The following TEX14 variants were observed in gnomAD, a reference collection of about 807,000 sequenced individuals.
The protein encoded by TEX14 is testis expressed 14, intercellular bridge forming factor.
Under a neutral mutation model 178.6 loss-of-function variants are expected in TEX14, and 168 were observed. The observed-to-expected ratio is 0.94, with a 90% CI of 0.83 to 1.07. The LOEUF is 1.07. TEX14 is among the 50% of genes least tolerant of loss of function. TEX14 has a pLI of 0.00. For missense variants in TEX14, 1,730 were observed against 1,753.6 expected (o/e 0.99, Z 0.24); for synonymous variants, 626 against 634.1 (o/e 0.99, Z 0.19).
chr17:58,565,909 A>C (rs1194675965), intron 26 of TEX14, 85 bp from the exon 27 acceptor site: 1 of 1,055,528 alleles, frequency 9.5e-7, no homozygotes, highest in Non-Finnish European at 1.4e-6. Flanking sequence ...TCCAAGGGTG[A>C]TCCTTAGACT....
chr17:58,565,632 G>T, intron 27 of TEX14, 115 bp downstream of exon 27: 1 of 687,042 alleles, frequency 1.5e-6, no homozygotes. Context: ...TATAAAGTCA[G>T]ACTTGAGGTG....
At chr17:58,663,969 G>A (rs2047163554) in intron 1 of TEX14, among the ~76,000 whole-genome samples, 1 of 152,108 alleles carries the variant, frequency 6.6e-6, no homozygotes, top group Non-Finnish European at 1.5e-5. Flanking sequence ...CCTGAGTTTG[G>A]GAAGGTGGAG....
At chr17:58,580,773 CA>C (rs2044793617) in intron 19 of TEX14, among the ~76,000 whole-genome samples, 1 of 152,110 alleles carries the variant, frequency 6.6e-6, no homozygotes, top group Non-Finnish European at 1.5e-5. Context: ...ATTCATTTTA[CA>C]AATGAAAATA....
chr17:58,557,958 C>G (rs141702325), intron 30 of TEX14, 108 bp from the exon 31 acceptor site: 14,896 of 761,070 alleles, frequency 0.02, 203 homozygotes, highest in Non-Finnish European at 0.024. Context: ...ACTGTTTTAC[C>G]TACAATGGTT....
At chr17:58,564,784 T>C in intron 28 of TEX14, 85 bp downstream of exon 28, 1 of 781,280 alleles carries the variant, frequency 1.3e-6, no homozygotes, top group Non-Finnish European at 2.0e-6. Context: ...CTTTTTTTCT[T>C]TCTTATTTGT....
intron 1 of TEX14, among the ~76,000 whole-genome samples, chr17:58,674,609 G>A (rs1331462843): frequency 6.6e-6 from 1 of 152,026 alleles, no homozygotes; most frequent in Non-Finnish European, 1.5e-5. Context: ...GGCGGAGGTT[G>A]CAGTGAGCCG....
At chr17:58,685,104 C>A (rs986512517) in intron 1 of TEX14, among the ~76,000 whole-genome samples, 1 of 151,142 alleles carries the variant, frequency 6.6e-6, no homozygotes, top group African/African-American at 2.4e-5. Context: ...TTTGTATAGA[C>A]CTTCTAAACA....
chr17:58,570,118 T>C (rs1336525099), intron 25 of TEX14, among the ~76,000 whole-genome samples: 1 of 151,828 alleles, frequency 6.6e-6, no homozygotes, highest in East Asian at 1.9e-4. Context: ...ATGATCTCAC[T>C]ATGCTAAAAC....
At chr17:58,664,186 ACCTT>A (rs1405283832) in intron 1 of TEX14, among the ~76,000 whole-genome samples, 1 of 152,176 alleles carries the variant, frequency 6.6e-6, no homozygotes, top group African/African-American at 2.4e-5. Flanking sequence ...TTATTGAACT[ACCTT>A]CCTAATTTTA....
Position 58,613,280 on chromosome 17 carries a change from T to C in TEX14, c.1005+141A>G, listed in dbSNP as rs1567735663. ...CTTATCAGCCTTAAATAGCATGTTA[T>C]ACAGCCCCTATAAAGCAAAAGAATA... On this transcript the variant is annotated intron_variant, in intron 9 of 31. Transcript: ENST00000349033. 16 of 998,358 alleles carry C rather than the reference T, an allele frequency of 1.6e-5. No homozygotes were observed. In the East Asian group the frequency reaches 3.6e-4, roughly 23 times the overall value. The allele number at this position is 998,358 out of a possible 1,614,324, so 61.8% of individuals were successfully genotyped here. A position where few individuals can be genotyped will look rare whatever the true frequency, so the allele number is the denominator to read the frequency against.
Position 58,585,908 on chromosome 17 carries a change from T to C in TEX14, c.2963A>G (p.His988Arg). Residue 988 changes from histidine to arginine, a missense_variant, in exon 18 of 32, where the codon CAT becomes CGT. His to Arg is a conservative substitution (Grantham distance 29). This residue lies in a region of TEX14 where 941 missense variants were observed against 1,072.4 expected (regional missense o/e 0.88). Coordinates refer to ENST00000349033, the MANE Select transcript of TEX14 (RefSeq NM_031272.5). ...TCCTCTGGGCTCATCATTTTCCCTATGATACTCAATAACTCGCTGCCAATC... is the reference window on the plus strand; with the variant it reads ...TCCTCTGGGCTCATCATTTTCCCTACGATACTCAATAACTCGCTGCCAATC... ...NTDWQRVIEY[H>R]RENDEPRGNG... 6.2e-7 allele frequency: 1 copy of C among 1,614,044 alleles called. No homozygotes were observed. Among genetic ancestry groups the C allele is most frequent in the Non-Finnish European group, 8.5e-7 (1 of 1,180,012 alleles).
chr17:58,581,259 C>T (rs933739300), intron 19 of TEX14, among the ~76,000 whole-genome samples: 4 of 150,100 alleles, frequency 2.7e-5, no homozygotes, highest in South Asian at 2.1e-4. Flanking sequence ...TGCGGTGAGC[C>T]GAGATCACAC....
rs141531297 is a variant in TEX14, at chr17:58,571,941, G to A, written c.3697C>T (p.Pro1233Ser). The change falls in exon 24 of 32, where the codon CCT (proline) becomes TCT (serine). Residue 1233 changes from proline to serine, a missense_variant. This residue lies in a region of TEX14 where 941 missense variants were observed against 1,072.4 expected (regional missense o/e 0.88). Coordinates refer to ENST00000349033, the MANE Select transcript of TEX14 (RefSeq NM_031272.5). The part of the protein sequence containing the change: ...DSLLTSSETP[P>S]SRLTGLKRLS... Reference sequence around the variant, plus strand: ...CTTACAAGACCAGTCAGTCTTGAAGGGGGAGTTTCAGAGGAAGTAAGGAGA... The same window carrying A: ...CTTACAAGACCAGTCAGTCTTGAAGAGGGAGTTTCAGAGGAAGTAAGGAGA... 4.6e-4 allele frequency: 749 copies of A among 1,613,956 alleles called. No homozygotes were observed. The highest frequency in any genetic ancestry group is 7.5e-4 in the Admixed American group (45 of 60,004).
intron 20 of TEX14, among the ~76,000 whole-genome samples, chr17:58,578,517 G>T (rs1299879986): frequency 6.6e-6 from 1 of 152,190 alleles, no homozygotes; most frequent in Non-Finnish European, 1.5e-5. Flanking sequence ...AACAGTAGAA[G>T]GAAAAGGGGG....
intron 1 of TEX14, among the ~76,000 whole-genome samples, chr17:58,657,434 G>A (rs1436028015): frequency 6.6e-6 from 1 of 151,646 alleles, no homozygotes; most frequent in Non-Finnish European, 1.5e-5. Context: ...AGATATTGAG[G>A]GGAATAACTG....
chr17:58,680,206 G>A (rs1347040899), intron 1 of TEX14, among the ~76,000 whole-genome samples: 3 of 151,994 alleles, frequency 2.0e-5, no homozygotes, highest in Admixed American at 6.6e-5. Flanking sequence ...AAAAACAGGC[G>A]CGCACGGCTT....
chr17:58,593,642 GGGTC>G lies in TEX14; in HGVS notation c.2485_2488del (p.Asp829LeufsTer73). 6.2e-7 allele frequency: 1 copy of G among 1,614,038 alleles called. No individual in the cohort carries two copies. Among genetic ancestry groups the G allele is most frequent in the Non-Finnish European group, 8.5e-7 (1 of 1,179,944 alleles). On this transcript the variant is annotated frameshift_variant, in exon 15 of 32. Transcript: ENST00000349033. LOFTEE classifies it high-confidence loss of function. Reference sequence around the variant, plus strand: ...TTGTTCATCTGTGTTCTGTTTTCCAGGGTCACAAAGAGTCGGCAGCTTAAAAAGC... The same window carrying G: ...TTGTTCATCTGTGTTCTGTTTTCCAGACAAAGAGTCGGCAGCTTAAAAAGC...
At chr17:58,659,131 A>G (rs2143337430) in intron 1 of TEX14, among the ~76,000 whole-genome samples, 1 of 152,284 alleles carries the variant, frequency 6.6e-6, no homozygotes, top group Non-Finnish European at 1.5e-5. Flanking sequence ...GCCGTCTTTT[A>G]AACTAGTTCA....
chr17:58,653,023 G>A (rs1250781535), intron 1 of TEX14, among the ~76,000 whole-genome samples: 2 of 152,234 alleles, frequency 1.3e-5, no homozygotes, highest in African/African-American at 2.4e-5. Flanking sequence ...TGCAACCTCT[G>A]CCTCCTGGGT....
Sources: allele counts gnomAD v4.1 joint callset (sites outside exome capture counted in the v4.1 genomes callset), GRCh38; gene constraint gnomAD v4.1.1; regional missense constraint gnomAD v4.1.1; transcripts MANE v1.5; gene names NCBI Gene and HGNC (gene_info 2026-07-23, HGNC 2026-07-21).